The following COL6A6 variants were observed in gnomAD, a reference collection of about 807,000 sequenced individuals.
COL6A6 encodes collagen type VI alpha 6 chain, also known as collagen alpha-6(VI) chain.
In COL6A6, 183 loss-of-function variants were observed where a neutral mutation model predicts 208.6. That is an observed-to-expected ratio of 0.88 (90% CI 0.78 to 0.99). COL6A6 has a LOEUF of 0.99. COL6A6 is among the 50% of genes least tolerant of loss of function. COL6A6 has a pLI of 0.00. For missense variants in COL6A6, 2,816 were observed against 2,815.2 expected (o/e 1.00, Z -0.01); for synonymous variants, 973 against 1,011.8 (o/e 0.96, Z 0.73).
At position 130,581,896 on chromosome 3, in the gene COL6A6, C is replaced by G; in HGVS notation, c.3883C>G (p.Arg1295Gly). ...TACATTTCAGAATAAATCAGCTGCTCGAGGAAAGGTAACATGGATTTATCT... is the reference window on the plus strand; with the variant it reads ...TACATTTCAGAATAAATCAGCTGCTGGAGGAAAGGTAACATGGATTTATCT... The part of the protein sequence containing the change: ...WDTFQNKSAA[R>G]GKVVLLFSDG... The change falls in exon 9 of 37, where the codon CGA becomes GGA. Residue 1295 changes from arginine to glycine, a missense_variant. By Grantham distance (125) the Arg-to-Gly change is moderately radical. Coordinates refer to ENST00000358511, the MANE Select transcript of COL6A6 (RefSeq NM_001102608.3). The G allele has an allele frequency of 6.2e-7, 1 of 1,603,586 alleles. No homozygotes were observed. Among genetic ancestry groups the G allele is most frequent in the Non-Finnish European group, 8.5e-7 (1 of 1,173,382 alleles).
chr3:130,529,049 C>T (rs957433549), intron 1 of COL6A6, among the ~76,000 whole-genome samples: 3 of 152,104 alleles, frequency 2.0e-5, no homozygotes, highest in African/African-American at 4.8e-5. Flanking sequence ...GAGATCATGC[C>T]GCCACTGCAC....
rs749546810 is a variant in COL6A6 at position 130,662,165 on chromosome 3, T to G, written c.6359T>G (p.Leu2120Arg). 1 of 1,614,004 alleles carries G rather than the reference T, an allele frequency of 6.2e-7. No individual in the cohort carries two copies. Among genetic ancestry groups the G allele is most frequent in the Non-Finnish European group, 8.5e-7 (1 of 1,179,886 alleles). The change falls in exon 35 of 37, where the codon CTT becomes CGT. Residue 2120 changes from leucine (L) to arginine (R), a missense_variant. By Grantham distance (102) the Leu-to-Arg change is moderately radical. Transcript: ENST00000358511. ...CQGYALFVFSLGPIWDDKELE... is the reference protein window; with the variant it reads ...CQGYALFVFSRGPIWDDKELE... ...GGATATGCCTTATTTGTGTTTTCCC[T>G]TGGCCCTATTTGGGATGACAAGGAA...
chr3:130,589,484 G>A (rs1288573543), intron 12 of COL6A6, among the ~76,000 whole-genome samples: 1 of 152,134 alleles, frequency 6.6e-6, no homozygotes, highest in Non-Finnish European at 1.5e-5. Flanking sequence ...CCTCATGTTG[G>A]ATAATGAAAG....
chr3:130,666,707 C>T (rs372463986), intron 36 of COL6A6, among the ~76,000 whole-genome samples: 2 of 151,628 alleles, frequency 1.3e-5, no homozygotes, highest in African/African-American at 4.8e-5. Context: ...ATTTTAGAGA[C>T]AAAATGAAAT....
chr3:130,649,627 T>C (rs2065576388), intron 33 of COL6A6, 65 bp downstream of exon 33: 2 of 1,439,532 alleles, frequency 1.4e-6, no homozygotes, highest in East Asian at 2.5e-5. Context: ...GAAGCCCCTA[T>C]ACTACCTTGC....
chr3:130,615,889 G>T (rs961453749), intron 23 of COL6A6, among the ~76,000 whole-genome samples: 5 of 152,118 alleles, frequency 3.3e-5, no homozygotes, highest in African/African-American at 1.2e-4. Flanking sequence ...CTTTAATCTT[G>T]CTTTGGCAAG....
chr3:130,579,680 C>G (rs1408813139), intron 8 of COL6A6, among the ~76,000 whole-genome samples: 1 of 152,172 alleles, frequency 6.6e-6, no homozygotes, highest in Non-Finnish European at 1.5e-5. Flanking sequence ...AGCTTTCTCC[C>G]TAGCTCACTT....
chr3:130,605,508 A>G (rs972277736), intron 20 of COL6A6, among the ~76,000 whole-genome samples: 2 of 152,108 alleles, frequency 1.3e-5, no homozygotes, highest in East Asian at 1.9e-4. Flanking sequence ...TTTCTGAATA[A>G]AAGAGAAGTG....
At chr3:130,643,247 G>A (rs926255236) in intron 31 of COL6A6, among the ~76,000 whole-genome samples, 5 of 152,142 alleles carry the variant, frequency 3.3e-5, no homozygotes, top group Non-Finnish European at 7.3e-5. Context: ...TCTATTGAGT[G>A]CTTTTAATCT....
At chr3:130,674,978 T>A (rs1202254227) in intron 36 of COL6A6, among the ~76,000 whole-genome samples, 1 of 152,186 alleles carries the variant, frequency 6.6e-6, no homozygotes, top group East Asian at 1.9e-4. Context: ...TGAAGAAACT[T>A]TGCTGCTGAA....
intron 1 of COL6A6, among the ~76,000 whole-genome samples, chr3:130,543,260 C>T (rs1559968087): frequency 6.6e-6 from 1 of 152,168 alleles, no homozygotes; most frequent in African/African-American, 2.4e-5. Flanking sequence ...CTGTGCAGAA[C>T]ATATAGTGAG....
rs1444117888 is a variant in COL6A6, at chr3:130,608,926, G to C, written c.4714G>C (p.Asp1572His). ...GGGAACAGCAGGCATCCCAGGACCAGATGGACTTGAAGGCTCCCTGGGACT... is the reference window on the plus strand; with the variant it reads ...GGGAACAGCAGGCATCCCAGGACCACATGGACTTGAAGGCTCCCTGGGACT... ...PQGTAGIPGP[D>H]GLEGSLGLKG... Residue 1572 changes from aspartate (D) to histidine (H), a missense_variant, in exon 22 of 37, where the codon GAT (aspartate) becomes CAT (histidine). Coordinates refer to ENST00000358511, the MANE Select transcript of COL6A6 (RefSeq NM_001102608.3). The C allele has an allele frequency of 4.3e-6, 7 of 1,613,478 alleles. No homozygotes were observed. The highest frequency in any genetic ancestry group is 2.7e-5 in the African/African-American group (2 of 74,852).
At chr3:130,644,140 AAAAAG>A (rs1351495398) in intron 31 of COL6A6, among the ~76,000 whole-genome samples, 6 of 152,262 alleles carry the variant, frequency 3.9e-5, no homozygotes, top group African/African-American at 1.4e-4. Context: ...ATTTAGAACA[AAAAAG>A]AAATCATAAC....
rs140413590 is a variant in COL6A6, at chr3:130,593,220, A to G, written c.4438A>G (p.Arg1480Gly). Residue 1480 changes from arginine to glycine, a missense_variant, in exon 17 of 37, where the codon AGA (arginine) becomes GGA (glycine). Physicochemically the swap from Arg to Gly is moderately radical, Grantham distance 125 (BLOSUM62 -2). Coordinates refer to ENST00000358511, the MANE Select transcript of COL6A6 (RefSeq NM_001102608.3). Reference protein sequence around the residue: ...GEQGDNGLPGRKGEKGDEGSQ... With the variant: ...GEQGDNGLPGGKGEKGDEGSQ... ...TTAGGGTGATAATGGTCTTCCTGGA[A>G]GAAAAGGAGAAAAGGGAGATGAGGG... The G allele has an allele frequency of 2.5e-6, 4 of 1,613,012 alleles. No homozygotes were observed. The highest frequency in any genetic ancestry group is 1.7e-5 in the Admixed American group (1 of 60,024).
intron 29 of COL6A6, 126 bp downstream of exon 29, chr3:130,641,840 A>G (rs2065320371): frequency 1.9e-6 from 1 of 514,406 alleles, no homozygotes; most frequent in Non-Finnish European, 3.5e-6. Context: ...CTTTTTTCCC[A>G]CCTTTATGGG....
chr3:130,623,399 T>A (rs2108280414), intron 24 of COL6A6, among the ~76,000 whole-genome samples: 1 of 152,050 alleles, frequency 6.6e-6, no homozygotes, highest in African/African-American at 2.4e-5. Context: ...GTGGAGGTTG[T>A]AATGAGCCAA....
intron 1 of COL6A6, among the ~76,000 whole-genome samples, chr3:130,553,493 A>G (rs987762665): frequency 1.3e-5 from 2 of 152,316 alleles, no homozygotes; most frequent in East Asian, 1.9e-4. Context: ...TTTCAGCTCT[A>G]TCAGATCAGT....
At chr3:130,608,690 A>T (rs140362833) in intron 21 of COL6A6, among the ~76,000 whole-genome samples, 61 of 150,772 alleles carry the variant, frequency 4.0e-4, no homozygotes, top group African/African-American at 1.4e-3. Context: ...GAAATACACC[A>T]GCATACTAGC....
rs781730241 is a variant in COL6A6, at chr3:130,570,885, T to G, written c.2469T>G (p.Asp823Glu). Residue 823 changes from aspartate (D) to glutamate (E), a missense_variant, in exon 7 of 37, where the codon GAT becomes GAG. Transcript: ENST00000358511. Reference protein sequence around the residue: ...VIDSSGSIDYDEYNIMKDFMI... With the variant: ...VIDSSGSIDYEEYNIMKDFMI... ...ATAGCTCTGGCAGTATTGACTATGA[T>G]GAGTATAATATCATGAAGGATTTTA... The G allele has an allele frequency of 3.7e-6, 6 of 1,613,838 alleles. No homozygotes were observed. The African/African-American group carries it at 6.7e-5, about 18-fold the overall frequency.
Sources: allele counts gnomAD v4.1 joint callset (sites outside exome capture counted in the v4.1 genomes callset), GRCh38; gene constraint gnomAD v4.1.1; transcripts MANE v1.5; gene names NCBI Gene and HGNC (gene_info 2026-07-23, HGNC 2026-07-21).